Variants in IL1RAPL2 observed in about 807,000 individuals in gnomAD.
The protein encoded by IL1RAPL2 is X-linked interleukin-1 receptor accessory protein-like 2.
In IL1RAPL2, 3 loss-of-function variants were observed where a neutral mutation model predicts 44.1. The observed-to-expected ratio is 0.07, with a 90% CI of 0.03 to 0.18. The LOEUF (loss-of-function observed/expected upper bound fraction) is 0.18. Ranked by LOEUF, IL1RAPL2 falls within the 10% of genes least tolerant of loss-of-function variation. The pLI is 1.00. For synonymous variants in IL1RAPL2, 181 were observed against 178.8 expected (o/e 1.01, Z -0.10); for missense variants, 391 against 496.4 (o/e 0.79, Z 2.02).
At chrX:104,620,899 T>C (rs184265235) in intron 1 of IL1RAPL2, among the ~76,000 whole-genome samples, 4 of 103,535 alleles carry the variant, frequency 3.9e-5, no homozygotes, top group Non-Finnish European at 1.9e-5. Flanking sequence ...CATTTATATG[T>C]ATGTTCTATA....
chrX:104,760,943 A>G (rs1932417100), intron 2 of IL1RAPL2, among the ~76,000 whole-genome samples: 1 of 111,213 alleles, frequency 9.0e-6, no homozygotes, highest in African/African-American at 3.3e-5. Flanking sequence ...ATCCATTTTG[A>G]TTTGATTTTT....
At chrX:105,629,634 G>A (rs2037478353) in intron 6 of IL1RAPL2, among the ~76,000 whole-genome samples, 1 of 111,248 alleles carries the variant, frequency 9.0e-6, no homozygotes, top group East Asian at 2.8e-4. Context: ...TTCATTCACT[G>A]AGCATGTACA....
chrX:104,585,272 T>A (rs865811450), intron 1 of IL1RAPL2, among the ~76,000 whole-genome samples: 25 of 15,988 alleles, frequency 1.6e-3, no homozygotes, highest in Admixed American at 8.4e-3. Context: ...TATAATATAT[T>A]ATATATATTA....
intron 2 of IL1RAPL2, among the ~76,000 whole-genome samples, chrX:105,009,492 C>T (rs1343631917): frequency 3.8e-5 from 4 of 104,949 alleles, no homozygotes; most frequent in Non-Finnish European, 5.8e-5. Context: ...AGCAAACTAT[C>T]GCAAGGACAA....
chrX:104,953,444 A>T (rs1305411520), intron 2 of IL1RAPL2, among the ~76,000 whole-genome samples: 1 of 112,044 alleles, frequency 8.9e-6, no homozygotes, highest in Non-Finnish European at 1.9e-5. Context: ...TATGTTTACA[A>T]GTCATATTTT....
intron 6 of IL1RAPL2, among the ~76,000 whole-genome samples, chrX:105,715,373 C>T (rs981498109): frequency 5.4e-5 from 6 of 111,724 alleles, no homozygotes; most frequent in Admixed American, 9.5e-5. Flanking sequence ...AACTTGATTA[C>T]GTAGGACAAA....
chrX:104,761,911 CCTTCTCCTTCTCCTTCTT>C (rs1569309866), intron 2 of IL1RAPL2, among the ~76,000 whole-genome samples: 64 of 40,669 alleles, frequency 1.6e-3, no homozygotes, highest in Middle Eastern at 0.011. Flanking sequence ...TTCTCCTTCT[CCTTCTCCTTCTCCTTCTT>C]CTTCTTCTTC....
chrX:104,655,344 C>T (rs181553877), intron 1 of IL1RAPL2, among the ~76,000 whole-genome samples: 1 of 111,385 alleles, frequency 9.0e-6, no homozygotes, highest in African/African-American at 3.3e-5. Flanking sequence ...GAGATATATT[C>T]CATCAATACC....
intron 1 of IL1RAPL2, among the ~76,000 whole-genome samples, chrX:104,602,371 C>T (rs774797484): frequency 9.0e-4 from 100 of 111,658 alleles, no homozygotes; most frequent in African/African-American, 3.2e-3. Flanking sequence ...CACCAGGGCC[C>T]TGGGTTTCAA....
chrX:105,720,212 A>C (rs1384534069), intron 7 of IL1RAPL2, among the ~76,000 whole-genome samples: 1 of 111,945 alleles, frequency 8.9e-6, no homozygotes, highest in Non-Finnish European at 1.9e-5. Flanking sequence ...GCTTTATCAG[A>C]GTATAATTGA....
chrX:105,142,563 C>T (rs1225117073), intron 2 of IL1RAPL2, among the ~76,000 whole-genome samples: 2 of 109,939 alleles, frequency 1.8e-5, no homozygotes, highest in Admixed American at 9.7e-5. Flanking sequence ...GTAGTTTCTT[C>T]GTATCTTCAG....
chrX:104,918,046 G>A (rs766161860), intron 2 of IL1RAPL2, among the ~76,000 whole-genome samples: 5 of 111,805 alleles, frequency 4.5e-5, no homozygotes, highest in Admixed American at 9.5e-5. Context: ...TTTATGTAAC[G>A]TTTGTTAAAA....
chrX:105,137,987 C>G (rs1357879373), intron 2 of IL1RAPL2, among the ~76,000 whole-genome samples: 5 of 111,741 alleles, frequency 4.5e-5, no homozygotes, highest in Non-Finnish European at 7.5e-5. Flanking sequence ...GTGAGAGGAT[C>G]ACTTGAGCCC....
intron 6 of IL1RAPL2, among the ~76,000 whole-genome samples, chrX:105,674,092 G>GA (rs1176696218): frequency 2.7e-5 from 3 of 111,392 alleles, no homozygotes; most frequent in Admixed American, 9.6e-5. Context: ...CTGATAAATT[G>GA]AAAAAATTTT....
intron 2 of IL1RAPL2, among the ~76,000 whole-genome samples, chrX:105,153,150 G>A (rs2033241955): frequency 8.9e-6 from 1 of 111,916 alleles, no homozygotes; most frequent in Admixed American, 9.5e-5. Context: ...GATTGACTTT[G>A]AATAGTTCTT....
chrX:104,756,761 AG>A (rs1407398599), intron 2 of IL1RAPL2, among the ~76,000 whole-genome samples: 2 of 110,096 alleles, frequency 1.8e-5, no homozygotes, highest in Non-Finnish European at 3.8e-5. Flanking sequence ...TTTTAGTTAA[AG>A]GGGCCAGGGA....
At chrX:105,034,938 A>G (rs1324633956) in intron 2 of IL1RAPL2, among the ~76,000 whole-genome samples, 3 of 237 alleles carry the variant, frequency 0.013, no homozygotes, top group Non-Finnish European at 0.024. Flanking sequence ...AGCCTGGGCA[A>G]TGCGGGCGCC....
intron 5 of IL1RAPL2, among the ~76,000 whole-genome samples, chrX:105,450,907 AGTGTGTGTGTGTGT>A (rs747929543): frequency 1.1e-5 from 1 of 94,137 alleles, no homozygotes; most frequent in Non-Finnish European, 2.2e-5. Context: ...CTTAGGTCCG[AGTGTGTGTGTGTGT>A]GTGTGTGTGT....
intron 5 of IL1RAPL2, among the ~76,000 whole-genome samples, chrX:105,339,114 CAAAT>C (rs770305326): frequency 9.0e-6 from 1 of 111,222 alleles, no homozygotes; most frequent in Non-Finnish European, 1.9e-5. Context: ...AACAAACAAA[CAAAT>C]AAATAAATAA....
Sources: allele counts gnomAD v4.1 joint callset (sites outside exome capture counted in the v4.1 genomes callset), GRCh38; gene constraint gnomAD v4.1.1; transcripts MANE v1.5; gene names NCBI Gene and HGNC (gene_info 2026-07-23, HGNC 2026-07-21).